CRYBG1: variants seen among roughly 807,000 people sequenced by gnomAD.
CRYBG1 encodes crystallin beta-gamma domain containing 1.
Under a neutral mutation model 189.2 loss-of-function variants are expected in CRYBG1, and 139 were observed. The observed-to-expected ratio is 0.73, with a 90% confidence interval of 0.64 to 0.85. The LOEUF is 0.85. Ranked by LOEUF, CRYBG1 falls within the 40% of genes least tolerant of loss-of-function variation. The probability of loss-of-function intolerance (pLI) is 0.00; values close to 1 mark genes in which losing one functional copy is unlikely to be tolerated. For synonymous variants in CRYBG1, 1,023 were observed against 1,017.1 expected, an observed-to-expected ratio of 1.01 and a Z score of -0.11; for missense variants, 2,611 against 2,675.8, an observed-to-expected ratio of 0.98 and a Z score of 0.53.
intron 1 of CRYBG1, among the ~76,000 whole-genome samples, chr6:106,406,030 G>A (rs1770813701): frequency 6.6e-6 from 1 of 152,176 alleles, no homozygotes; most frequent in South Asian, 2.1e-4. Context: ...GAATGAGTTT[G>A]ACGAATTGAC....
chr6:106,372,967 G>T (rs1188671335), intron 1 of CRYBG1, among the ~76,000 whole-genome samples: 1 of 152,172 alleles, frequency 6.6e-6, no homozygotes, highest in East Asian at 1.9e-4. Context: ...TTTCACCACA[G>T]CATGAAAAAA....
chr6:106,510,760 C>T (rs990966316), intron 2 of CRYBG1, among the ~76,000 whole-genome samples: 2 of 152,270 alleles, frequency 1.3e-5, no homozygotes, highest in African/African-American at 2.4e-5. Flanking sequence ...AGGCAAAAGC[C>T]TTTCCGATGC....
chr6:106,409,233 C>A (rs1770880070), intron 1 of CRYBG1, among the ~76,000 whole-genome samples: 1 of 152,118 alleles, frequency 6.6e-6, no homozygotes, highest in Non-Finnish European at 1.5e-5. Flanking sequence ...CAATAGTAGA[C>A]AAACAGAGAG....
chr6:106,561,015 C>G, intron 19 of CRYBG1, 89 bp downstream of exon 19: 1 of 1,389,272 alleles, frequency 7.2e-7, no homozygotes, highest in Non-Finnish European at 9.6e-7. Flanking sequence ...TTTTTTTATT[C>G]AAAGTTTATA....
At chr6:106,455,261 TATC>T (rs1477486468) in intron 2 of CRYBG1, among the ~76,000 whole-genome samples, 6 of 152,176 alleles carry the variant, frequency 3.9e-5, no homozygotes, top group Non-Finnish European at 7.4e-5. Flanking sequence ...AATAAAAACA[TATC>T]ATGTATTATG....
At chr6:106,454,787 A>C (rs1014581489) in intron 2 of CRYBG1, 2 of 152,274 alleles carry the variant, frequency 1.3e-5, no homozygotes, top group Non-Finnish European at 2.9e-5. Flanking sequence ...TTCTTAAAGT[A>C]GACAATATTG....
chr6:106,478,157 A>G (rs1382686558), intron 2 of CRYBG1, among the ~76,000 whole-genome samples: 1 of 152,254 alleles, frequency 6.6e-6, no homozygotes, highest in African/African-American at 2.4e-5. Flanking sequence ...AATCCCTCGT[A>G]TCCTTCAACC....
intron 2 of CRYBG1, among the ~76,000 whole-genome samples, chr6:106,458,148 T>G (rs940205446): frequency 6.6e-6 from 1 of 152,254 alleles, no homozygotes; most frequent in Non-Finnish European, 1.5e-5. Flanking sequence ...AGTTGTATTG[T>G]GACTAAAGTT....
chr6:106,407,737 C>T (rs9399994), intron 1 of CRYBG1, among the ~76,000 whole-genome samples: 57,324 of 151,980 alleles, frequency 0.38, 11,416 homozygotes, highest in South Asian at 0.58. Flanking sequence ...AAAAACACAA[C>T]TACATGGAAC....
intron 1 of CRYBG1, among the ~76,000 whole-genome samples, chr6:106,429,885 A>G (rs1461047040): frequency 6.6e-6 from 1 of 152,236 alleles, no homozygotes; most frequent in East Asian, 1.9e-4. Context: ...CTATTAAACT[A>G]AAATTGTCAA....
intron 2 of CRYBG1, among the ~76,000 whole-genome samples, chr6:106,510,751 GGCAAAA>G (rs1773239277): frequency 6.6e-6 from 1 of 152,256 alleles, no homozygotes; most frequent in Non-Finnish European, 1.5e-5. Context: ...AACTCCCACA[GGCAAAA>G]GCCTTTCCGA....
Position 106,519,990 on chromosome 6 carries a change from C to T in CRYBG1, c.2782C>T (p.Leu928Phe). ...QNNEKMPLLE[L>F]GGETTPPLST... The stretch of plus-strand genomic sequence containing the variant: ...CAATGAGAAAATGCCACTTTTAGAA[C>T]TTGGAGGAGAAACAACCCCTCCTTT... The change falls in exon 4 of 22, where the codon CTT (leucine) becomes TTT (phenylalanine). Residue 928 changes from leucine (L) to phenylalanine (F), a missense_variant. Coordinates refer to ENST00000633556, the MANE Select transcript of CRYBG1 (RefSeq NM_001371242.2). The T allele has an allele frequency of 6.2e-7, 1 of 1,614,134 alleles. No individual in the cohort carries two copies. Among genetic ancestry groups the T allele is most frequent in the Non-Finnish European group, 8.5e-7 (1 of 1,180,018 alleles).
chr6:106,553,159 C>T (rs1774448562), intron 15 of CRYBG1, among the ~76,000 whole-genome samples: 1 of 152,182 alleles, frequency 6.6e-6, no homozygotes, highest in African/African-American at 2.4e-5. Flanking sequence ...TTTCTGACCA[C>T]AATAAAGCTT....
chr6:106,430,849 T>C (rs1771312225), intron 1 of CRYBG1, among the ~76,000 whole-genome samples: 2 of 152,018 alleles, frequency 1.3e-5, no homozygotes, highest in Admixed American at 1.3e-4. Context: ...GGGGCAATTG[T>C]CGGAACTGTC....
At chr6:106,366,948 C>A (rs990171682) in intron 1 of CRYBG1, among the ~76,000 whole-genome samples, 2 of 152,140 alleles carry the variant, frequency 1.3e-5, no homozygotes, top group African/African-American at 2.4e-5. Flanking sequence ...CTTTGAAGTA[C>A]CTTTGAGTAT....
At chr6:106,503,678 A>C (rs1256562481) in intron 2 of CRYBG1, among the ~76,000 whole-genome samples, 1 of 152,178 alleles carries the variant, frequency 6.6e-6, no homozygotes, top group African/African-American at 2.4e-5. Context: ...TACAATTCAG[A>C]CATTCCATGA....
chr6:106,521,155 C>G lies in CRYBG1; in HGVS notation c.3947C>G (p.Ser1316Trp). The change falls in exon 4 of 22, where the codon TCG (serine) becomes TGG (tryptophan). Residue 1316 changes from serine (S) to tryptophan (W), a missense_variant. This residue lies in a region of CRYBG1 where 1,622 missense variants were observed against 1,735.0 expected (regional missense o/e 0.93). Transcript: ENST00000633556. Reference sequence around the variant, plus strand: ...TCCTTAAAGGTCTTCAATTTCAACTCGTCAAGTACATCACACTCCAGTTTG... The same window carrying G: ...TCCTTAAAGGTCTTCAATTTCAACTGGTCAAGTACATCACACTCCAGTTTG... ...DNSLKVFNFN[S>W]SSTSHSSLKS... The G allele has an allele frequency of 1.2e-6, 2 of 1,614,136 alleles. No individual in the cohort carries two copies. The highest frequency in any genetic ancestry group is 1.7e-5 in the Admixed American group (1 of 60,008).
chr6:106,391,940 TG>T, intron 1 of CRYBG1, among the ~76,000 whole-genome samples: 1 of 57,742 alleles, frequency 1.7e-5, no homozygotes, highest in East Asian at 6.2e-4. Flanking sequence ...TGTGTGTGTG[TG>T]TGTGTGTGTG....
intron 1 of CRYBG1, among the ~76,000 whole-genome samples, chr6:106,393,358 C>A (rs960506112): frequency 6.6e-6 from 1 of 152,120 alleles, no homozygotes; most frequent in Non-Finnish European, 1.5e-5. Flanking sequence ...AGTATGCACC[C>A]GTGCAGCCTC....
Sources: allele counts gnomAD v4.1 joint callset (sites outside exome capture counted in the v4.1 genomes callset), GRCh38; gene constraint gnomAD v4.1.1; regional missense constraint gnomAD v4.1.1; transcripts MANE v1.5; gene names NCBI Gene and HGNC (gene_info 2026-07-23, HGNC 2026-07-21).